NCKAP1: variants seen among roughly 807,000 people sequenced by gnomAD.
The protein encoded by NCKAP1 is NCK associated protein 1, also known as nck-associated protein 1.
Under a neutral mutation model 151.2 loss-of-function variants are expected in NCKAP1, and 21 were observed. That is an observed-to-expected ratio of 0.14 (90% CI 0.10 to 0.20). The LOEUF is 0.20. Ranked by LOEUF, NCKAP1 falls within the 10% of genes least tolerant of loss-of-function variation. The pLI is 1.00. For missense variants in NCKAP1, 933 were observed against 1,352.1 expected, an observed-to-expected ratio of 0.69 and a Z score of 4.86; for synonymous variants, 484 against 451.8, an observed-to-expected ratio of 1.07 and a Z score of -0.90.
intron 19 of NCKAP1, chr2:182,956,820 C>T (rs531661298): frequency 2.4e-6 from 1 of 417,578 alleles, no homozygotes; most frequent in African/African-American, 2.1e-5. Context: ...AATGAATATA[C>T]TGACTTAATA....
chr2:182,964,842 C>A, intron 16 of NCKAP1, 34 bp from the exon 17 acceptor site: 1 of 1,542,212 alleles, frequency 6.5e-7, no homozygotes, highest in Non-Finnish European at 8.8e-7. Context: ...ACAATTTTTA[C>A]ATTTAAAGTA....
At chr2:183,028,395 T>C (rs1001068460) in intron 1 of NCKAP1, among the ~76,000 whole-genome samples, 2 of 152,128 alleles carry the variant, frequency 1.3e-5, no homozygotes, top group African/African-American at 4.8e-5. Context: ...TTTATATACT[T>C]AAATTTCCAG....
intron 15 of NCKAP1, among the ~76,000 whole-genome samples, chr2:182,971,113 G>A (rs1041161049): frequency 6.6e-6 from 1 of 152,032 alleles, no homozygotes; most frequent in Admixed American, 6.6e-5. Flanking sequence ...AAAAGATATC[G>A]GCCGGGCGCG....
At chr2:183,024,042 G>T in intron 1 of NCKAP1, 126 bp from the exon 2 acceptor site, 1 of 695,578 alleles carries the variant, frequency 1.4e-6, no homozygotes, top group Non-Finnish European at 2.4e-6. Context: ...AAAATGAATA[G>T]GCAAAGTGCA....
intron 8 of NCKAP1, among the ~76,000 whole-genome samples, chr2:182,992,313 A>T (rs1406122071): frequency 6.6e-6 from 1 of 152,212 alleles, no homozygotes; most frequent in Non-Finnish European, 1.5e-5. Flanking sequence ...AGCAAAATTC[A>T]TTCCTTATTT....
rs148144723 is a variant in NCKAP1 at position 182,968,035 on chromosome 2, T to G, written c.1483-674A>C. On this transcript the variant is annotated intron_variant, in intron 15 of 30. Transcript: ENST00000361354. The stretch of plus-strand genomic sequence containing the variant: ...GGATGCCTACAGAATAAGTACTGTT[T>G]GTTACGGCTAGAGTTTGAGTGCAAA... Among the ~76,000 whole-genome samples, 17 of 152,312 alleles carry G rather than the reference T, an allele frequency of 1.1e-4. 1 individual carries two copies. In the East Asian group the frequency reaches 3.3e-3, roughly 29 times the overall value.
Position 182,921,237 on chromosome 2 carries a change from A to T in NCKAP1, c.*4465T>A, listed in dbSNP as rs570198964. On this transcript the variant is annotated 3_prime_UTR_variant, in exon 31 of 31. Coordinates refer to ENST00000361354, the MANE Select transcript of NCKAP1 (RefSeq NM_013436.5). The stretch of plus-strand genomic sequence containing the variant: ...AATGACTCTGCACTGCATTAAATTT[A>T]AAAAATGAGCTTTAATAAAATTACA... 1.3e-5 allele frequency: 2 copies of T among 152,370 alleles called. No homozygotes were observed. Among genetic ancestry groups the T allele is most frequent in the South Asian group, 4.1e-4 (2 of 4,820 alleles). 9.4% of individuals were successfully genotyped at this position (152,370 alleles called of 1,614,324 possible).
At position 182,994,727 on chromosome 2, in the gene NCKAP1, A is replaced by G. The variant is rs915983234; in HGVS notation, c.790+112T>C. On this transcript the variant is annotated intron_variant, in intron 8 of 30. Transcript: ENST00000361354. ...ATGAGGACTGAAAGAGGTAATGGAC[A>G]TAGATGGGTTAGCACAATGCTAAGC... is the stretch of plus-strand genomic sequence containing the variant. 3.7e-6 allele frequency: 3 copies of G among 800,980 alleles called. No individual in the cohort carries two copies. In the East Asian group the frequency reaches 7.7e-5, roughly 21 times the overall value. The allele number at this position is 800,980 out of a possible 1,614,324, so 49.6% of individuals were successfully genotyped here.
At chr2:183,031,792 T>G (rs537792925) in intron 1 of NCKAP1, among the ~76,000 whole-genome samples, 3 of 152,190 alleles carry the variant, frequency 2.0e-5, no homozygotes, top group South Asian at 2.1e-4. Flanking sequence ...TATTTAAGAT[T>G]ACAAGAGTTA....
In NCKAP1 at chr2:182,953,117, T is replaced by C; in HGVS notation, c.2368A>G (p.Asn790Asp). 1.9e-6 allele frequency: 3 copies of C among 1,599,804 alleles called. No homozygotes were observed. Among genetic ancestry groups the C allele is most frequent in the Non-Finnish European group, 2.6e-6 (3 of 1,173,918 alleles). Residue 790 changes from asparagine to aspartate, a missense_variant, in exon 21 of 31, where the codon AAT becomes GAT. Physicochemically the swap from Asn to Asp is conservative, Grantham distance 23. Coordinates refer to ENST00000361354, the MANE Select transcript of NCKAP1 (RefSeq NM_013436.5). ...GEPTITSLYTNWYLETLLRQV... is the reference protein window; with the variant it reads ...GEPTITSLYTDWYLETLLRQV... ...ATTTCTAAATGCATTCCTTACCAAT[T>C]TGTGTATAGACTTGTAATGGTTGGC...
In NCKAP1 at chr2:182,998,347, T is replaced by A. The variant is rs1400620909; in HGVS notation, c.604-2509A>T. 5.3e-5 allele frequency among the ~76,000 whole-genome samples: 8 copies of A among 152,040 alleles called. No individual in the cohort carries two copies. In the East Asian group the frequency reaches 1.4e-3, roughly 26 times the overall value. ...GTACTGAAAGTCCTAGCCAGAGCAA[T>A]CAAGCAAGAGAAAGAAATAAAAGGC... On this transcript the variant is annotated intron_variant, in intron 6 of 30. Transcript: ENST00000361354.
chr2:183,015,395 A>G (rs559280123), intron 2 of NCKAP1, among the ~76,000 whole-genome samples: 1 of 152,254 alleles, frequency 6.6e-6, no homozygotes, highest in East Asian at 1.9e-4. Flanking sequence ...AGACAAAGCT[A>G]TAACCCATAA....
chr2:182,930,854 TTA>T (rs1326249724), intron 26 of NCKAP1, 66 bp from the exon 27 acceptor site: 1 of 1,382,978 alleles, frequency 7.2e-7, no homozygotes, highest in Non-Finnish European at 1.0e-6. Flanking sequence ...AGCTCACTGT[TTA>T]TTAGAGTCTG....
rs1309607794 is a variant in NCKAP1 at position 182,916,955 on chromosome 2, T to C, written c.*8747A>G. 6.6e-6 allele frequency: 1 copy of C among 152,104 alleles called. No homozygotes were observed. Among genetic ancestry groups the C allele is most frequent in the African/African-American group, 2.4e-5 (1 of 41,408 alleles). 9.4% of individuals were successfully genotyped at this position (152,104 alleles called of 1,614,324 possible). A position where few individuals can be genotyped will look rare whatever the true frequency, so the allele number is the denominator to read the frequency against. On this transcript the variant is annotated 3_prime_UTR_variant, in exon 31 of 31. Coordinates refer to ENST00000361354, the MANE Select transcript of NCKAP1 (RefSeq NM_013436.5). ...AATGTTACATTTGCATGAGTGGAAG[T>C]TCTGATATTATAATACTCATAAAAG... is the stretch of plus-strand genomic sequence containing the variant.
chr2:183,036,949 C>T (rs71427869), intron 1 of NCKAP1, among the ~76,000 whole-genome samples: 2,615 of 152,210 alleles, frequency 0.017, 44 homozygotes, highest in Middle Eastern at 0.051. Flanking sequence ...ATCAAAGACA[C>T]ATTGGAAACT....
chr2:183,003,476 G>A (rs952324079), intron 2 of NCKAP1, 151 bp from the exon 3 acceptor site: 12 of 560,606 alleles, frequency 2.1e-5, no homozygotes, highest in South Asian at 7.3e-5. Context: ...CAAAGTACTC[G>A]AGACAGCAAC....
At chr2:182,987,601 C>T (rs1313350244) in intron 9 of NCKAP1, among the ~76,000 whole-genome samples, 1 of 152,080 alleles carries the variant, frequency 6.6e-6, no homozygotes, top group African/African-American at 2.4e-5. Context: ...TATACAGAGG[C>T]TAACTGGTTT....
intron 24 of NCKAP1, among the ~76,000 whole-genome samples, chr2:182,936,979 G>A (rs368909893): frequency 8.4e-4 from 128 of 151,918 alleles, no homozygotes; most frequent in Non-Finnish European, 1.3e-3. Context: ...GCCAAGCCTG[G>A]TGGCACGTGC....
chr2:182,971,177 G>A (rs1279116919), intron 15 of NCKAP1, among the ~76,000 whole-genome samples: 3 of 151,580 alleles, frequency 2.0e-5, no homozygotes, highest in Non-Finnish European at 2.9e-5. Context: ...GGCGGATCAC[G>A]AGGTCAGGAG....
Sources: allele counts gnomAD v4.1 joint callset (sites outside exome capture counted in the v4.1 genomes callset), GRCh38; gene constraint gnomAD v4.1.1; transcripts MANE v1.5; gene names NCBI Gene and HGNC (gene_info 2026-07-23, HGNC 2026-07-21).